Variants in NRDC observed in about 807,000 individuals in gnomAD.
NRDC encodes nardilysin convertase, also known as nardilysin.
NRDC carries 54 observed loss-of-function variants against 147.1 expected under a neutral mutation model. That is an observed-to-expected ratio of 0.37 (90% CI 0.29 to 0.46). The LOEUF is 0.46. NRDC is among the 20% of genes least tolerant of loss of function. NRDC has a pLI of 1.00. For synonymous variants in NRDC, 440 were observed against 482.1 expected, an observed-to-expected ratio of 0.91 and a Z score of 1.14; for missense variants, 1,082 against 1,370.6, an observed-to-expected ratio of 0.79 and a Z score of 3.33.
At chr1:51,844,575 T>C (rs1374373454) in intron 1 of NRDC, among the ~76,000 whole-genome samples, 2 of 151,592 alleles carry the variant, frequency 1.3e-5, no homozygotes, top group African/African-American at 2.4e-5. Context: ...ACCCCGTCTC[T>C]ACTAAAAATA....
chr1:51,853,228 T>A lies in NRDC; in HGVS notation c.342-12714A>T, dbSNP rs572803139. Among the ~76,000 whole-genome samples, 301 of 149,662 alleles carry A rather than the reference T, an allele frequency of 2.0e-3. 1 individual carries two copies. In the Middle Eastern group the frequency reaches 0.021, roughly 10 times the overall value. ...GGGAGACTGTCTCCAAAAAAAAATA[T>A]ATATATATATATTATATAAAAGAAT... is the stretch of plus-strand genomic sequence containing the variant. On this transcript the variant is annotated intron_variant, in intron 1 of 30. Transcript: ENST00000352171.
At chr1:51,842,396 C>A (rs1353688710) in intron 1 of NRDC, among the ~76,000 whole-genome samples, 1 of 152,064 alleles carries the variant, frequency 6.6e-6, no homozygotes, top group Non-Finnish European at 1.5e-5. Context: ...GATATTGGTT[C>A]TTCCCAGGAA....
intron 5 of NRDC, among the ~76,000 whole-genome samples, chr1:51,827,437 T>C (rs1680495496): frequency 6.6e-6 from 1 of 152,220 alleles, no homozygotes; most frequent in South Asian, 2.1e-4. Context: ...GTGATATTTA[T>C]TGGTACTATG....
chr1:51,850,439 A>G (rs1681892173), intron 1 of NRDC, among the ~76,000 whole-genome samples: 1 of 152,240 alleles, frequency 6.6e-6, no homozygotes, highest in South Asian at 2.1e-4. Flanking sequence ...GATTACTTAG[A>G]GCTGAAACAG....
chr1:51,824,578 G>C (rs1465458083), intron 6 of NRDC, among the ~76,000 whole-genome samples: 1 of 152,032 alleles, frequency 6.6e-6, no homozygotes, highest in African/African-American at 2.4e-5. Context: ...ATTAATATGA[G>C]GCTGTAACTA....
intron 1 of NRDC, among the ~76,000 whole-genome samples, chr1:51,854,392 A>G (rs1292060053): frequency 6.6e-6 from 1 of 152,128 alleles, no homozygotes; most frequent in Non-Finnish European, 1.5e-5. Flanking sequence ...AAGAAACTTA[A>G]TATCCTCATA....
chr1:51,864,170 A>C (rs952983449), intron 1 of NRDC, among the ~76,000 whole-genome samples: 1 of 152,216 alleles, frequency 6.6e-6, no homozygotes, highest in African/African-American at 2.4e-5. Flanking sequence ...AAAAACCCTA[A>C]GTTGAACCAA....
chr1:51,843,015 G>C (rs1305386041), intron 1 of NRDC, among the ~76,000 whole-genome samples: 1 of 125,316 alleles, frequency 8.0e-6, no homozygotes, highest in Non-Finnish European at 1.6e-5. Context: ...CGTGAGCCAC[G>C]TTCATGCCAC....
intron 1 of NRDC, among the ~76,000 whole-genome samples, chr1:51,873,227 G>A (rs1439362589): frequency 6.6e-6 from 1 of 151,996 alleles, no homozygotes; most frequent in African/African-American, 2.4e-5. Flanking sequence ...CCTCAGATTT[G>A]TATAAGGCTT....
rs1236656264 is a variant in NRDC at position 51,859,029 on chromosome 1, G to A, written c.342-18515C>T. ...GAGCAAATGAGGGTACAATATGTACGCCTAAAGTCTTAGGTTGTGCTTTTG... is the reference window on the plus strand; with the variant it reads ...GAGCAAATGAGGGTACAATATGTACACCTAAAGTCTTAGGTTGTGCTTTTG... On this transcript the variant is annotated intron_variant, in intron 1 of 30. Coordinates refer to ENST00000352171, the MANE Select transcript of NRDC (RefSeq NM_001101662.2). Among the ~76,000 whole-genome samples, 8 of 152,180 alleles carry A rather than the reference G, an allele frequency of 5.3e-5. No homozygotes were observed. In the South Asian group the frequency reaches 1.2e-3, roughly 24 times the overall value.
chr1:51,854,583 C>T (rs563448906), intron 1 of NRDC, among the ~76,000 whole-genome samples: 3 of 152,154 alleles, frequency 2.0e-5, no homozygotes, highest in Non-Finnish European at 4.4e-5. Flanking sequence ...CCTAGCTAGC[C>T]CTGAAAAATA....
chr1:51,863,096 T>G (rs1252214300), intron 1 of NRDC, among the ~76,000 whole-genome samples: 1 of 147,006 alleles, frequency 6.8e-6, no homozygotes, highest in Non-Finnish European at 1.5e-5. Context: ...CACTGTAGAA[T>G]TTCTTCAGAG....
At chr1:51,815,182 CTTTTT>C (rs869244434) in intron 11 of NRDC, among the ~76,000 whole-genome samples, 1 of 125,556 alleles carries the variant, frequency 8.0e-6, no homozygotes, top group Non-Finnish European at 1.7e-5. Flanking sequence ...ACCTTTTTTT[CTTTTT>C]TTTTTTTTTT....
chr1:51,810,348 C>G lies in NRDC; in HGVS notation c.1836G>C (p.Leu612=), dbSNP rs748006089. The G allele has an allele frequency of 6.2e-6, 10 of 1,612,004 alleles. No individual in the cohort carries two copies. The highest frequency in any genetic ancestry group is 1.3e-5 in the African/African-American group (1 of 74,964). ...LVPQKANLVL[L]SGANEGKCDL... ...CACATTTTCCCTCATTAGCACCAGA[C>G]AGTAAAACAAGATTTGCTTTTTGAG... Residue 612 remains leucine (L), a synonymous_variant, in exon 16 of 31, where the codon CTG becomes CTC. Coordinates refer to ENST00000352171, the MANE Select transcript of NRDC (RefSeq NM_001101662.2).
At chr1:51,861,319 A>C (rs189535904) in intron 1 of NRDC, among the ~76,000 whole-genome samples, 119 of 140,092 alleles carry the variant, frequency 8.5e-4, no homozygotes, top group African/African-American at 3.0e-3. Context: ...GAGATAATCA[A>C]ATCTCTTCTT....
intron 1 of NRDC, among the ~76,000 whole-genome samples, chr1:51,861,535 G>A (rs776842756): frequency 1.3e-5 from 2 of 151,320 alleles, no homozygotes; most frequent in African/African-American, 4.9e-5. Flanking sequence ...TAGTAGAGAC[G>A]TGGTTTCACC....
chr1:51,800,049 A>G (rs778989841), intron 21 of NRDC, among the ~76,000 whole-genome samples: 5 of 152,168 alleles, frequency 3.3e-5, no homozygotes, highest in Non-Finnish European at 7.4e-5. Flanking sequence ...ATCATGGTTC[A>G]CTGCAGCCTC....
intron 1 of NRDC, among the ~76,000 whole-genome samples, chr1:51,853,701 T>G (rs193102708): frequency 2.0e-5 from 3 of 152,206 alleles, no homozygotes; most frequent in Non-Finnish European, 4.4e-5. Context: ...AGCCTTAGAT[T>G]ACATCTTAGC....
intron 28 of NRDC, 100 bp from the exon 29 acceptor site, chr1:51,790,749 G>T: frequency 1.0e-6 from 1 of 990,506 alleles, no homozygotes; most frequent in Non-Finnish European, 1.6e-6. Flanking sequence ...GGACATGCCA[G>T]TATAAGAGGC....
Sources: allele counts gnomAD v4.1 joint callset (sites outside exome capture counted in the v4.1 genomes callset), GRCh38; gene constraint gnomAD v4.1.1; transcripts MANE v1.5; gene names NCBI Gene and HGNC (gene_info 2026-07-23, HGNC 2026-07-21).